CACNA2D1: variants seen among roughly 807,000 people sequenced by gnomAD.
CACNA2D1 encodes calcium voltage-gated channel auxiliary subunit alpha2delta 1, also known as voltage-dependent calcium channel subunit alpha-2/delta-1.
Under a neutral mutation model 171.5 loss-of-function variants are expected in CACNA2D1, and 53 were observed. The observed-to-expected ratio is 0.31, with a 90% CI of 0.25 to 0.39. CACNA2D1 has a LOEUF of 0.39. Among genes scored for constraint, CACNA2D1 ranks in the 10% least tolerant of loss-of-function variants. CACNA2D1 has a pLI of 1.00. For missense variants in CACNA2D1, 903 were observed against 1,299.8 expected, an observed-to-expected ratio of 0.69 and a Z score of 4.69; for synonymous variants, 442 against 443.1, an observed-to-expected ratio of 1.00 and a Z score of 0.03.
At chr7:82,023,629 T>A (rs980100760) in intron 12 of CACNA2D1, among the ~76,000 whole-genome samples, 8 of 151,808 alleles carry the variant, frequency 5.3e-5, no homozygotes, top group Middle Eastern at 3.4e-3. Context: ...ATGTTGTAAT[T>A]TTTCTGTATT....
chr7:82,268,243 A>G (rs1808170152), intron 3 of CACNA2D1, among the ~76,000 whole-genome samples: 2 of 152,214 alleles, frequency 1.3e-5, no homozygotes, highest in Non-Finnish European at 2.9e-5. Context: ...CAGTGCAATA[A>G]TTGCATCAAA....
chr7:82,233,721 A>C (rs918052636), intron 3 of CACNA2D1, among the ~76,000 whole-genome samples: 2 of 152,114 alleles, frequency 1.3e-5, no homozygotes, highest in Non-Finnish European at 2.9e-5. Context: ...TAAAAAGATT[A>C]TGTTTCCCTA....
intron 12 of CACNA2D1, among the ~76,000 whole-genome samples, chr7:82,017,742 T>C (rs1800679483): frequency 6.6e-6 from 1 of 152,136 alleles, no homozygotes; most frequent in South Asian, 2.1e-4. Context: ...AGATGTGTAT[T>C]TGTACAGTTC....
intron 3 of CACNA2D1, among the ~76,000 whole-genome samples, chr7:82,269,496 C>A (rs1418735459): frequency 6.6e-6 from 1 of 152,130 alleles, no homozygotes; most frequent in Admixed American, 6.6e-5. Flanking sequence ...CTAGAATATT[C>A]TCTTTACCTA....
chr7:82,072,638 A>T (rs1808460902), intron 7 of CACNA2D1, among the ~76,000 whole-genome samples: 1 of 151,618 alleles, frequency 6.6e-6, no homozygotes, highest in South Asian at 2.1e-4. Context: ...ATTCCAGGTG[A>T]GTAAATATTA....
At chr7:82,177,558 G>A (rs1194193176) in intron 3 of CACNA2D1, among the ~76,000 whole-genome samples, 1 of 151,982 alleles carries the variant, frequency 6.6e-6, no homozygotes, top group Non-Finnish European at 1.5e-5. Context: ...ATAATATCTG[G>A]AGGAGGACAA....
chr7:82,175,612 G>A (rs777177716), intron 3 of CACNA2D1, among the ~76,000 whole-genome samples: 6 of 151,938 alleles, frequency 3.9e-5, no homozygotes, highest in South Asian at 4.1e-4. Context: ...TTCAATGTTC[G>A]AAAGAAAAGC....
chr7:82,137,500 CAT>C (rs1048813113), intron 4 of CACNA2D1, among the ~76,000 whole-genome samples: 6 of 152,046 alleles, frequency 3.9e-5, no homozygotes, highest in East Asian at 1.9e-4. Context: ...TCATCTTCCA[CAT>C]GTCTTCAAGT....
At chr7:82,218,472 T>C (rs1801410445) in intron 3 of CACNA2D1, among the ~76,000 whole-genome samples, 7 of 152,224 alleles carry the variant, frequency 4.6e-5, no homozygotes, top group Admixed American at 4.6e-4. Context: ...GCAGACTTTA[T>C]TCCAGATTGT....
intron 4 of CACNA2D1, among the ~76,000 whole-genome samples, chr7:82,158,239 A>G (rs1478787162): frequency 6.6e-6 from 1 of 151,944 alleles, no homozygotes; most frequent in African/African-American, 2.4e-5. Flanking sequence ...CAAGAATACA[A>G]TTTATCAAAA....
intron 3 of CACNA2D1, among the ~76,000 whole-genome samples, chr7:82,271,889 C>A: frequency 6.6e-6 from 1 of 150,852 alleles, no homozygotes; most frequent in Middle Eastern, 3.2e-3. Context: ...ACCAGGAAAG[C>A]AGCTAATTAC....
At chr7:81,985,332 G>A (rs147886690) in intron 21 of CACNA2D1, among the ~76,000 whole-genome samples, 1 of 150,896 alleles carries the variant, frequency 6.6e-6, no homozygotes, top group South Asian at 2.1e-4. Context: ...CCCCGAAGTA[G>A]CTGGGACCAT....
intron 7 of CACNA2D1, among the ~76,000 whole-genome samples, chr7:82,072,817 G>A (rs796835942): frequency 2.0e-4 from 30 of 152,006 alleles, no homozygotes; most frequent in African/African-American, 7.0e-4. Flanking sequence ...GACTAATAAT[G>A]CCACTTACTA....
intron 14 of CACNA2D1, among the ~76,000 whole-genome samples, chr7:82,012,828 T>C (rs902564148): frequency 2.0e-5 from 3 of 152,164 alleles, no homozygotes; most frequent in African/African-American, 7.2e-5. Context: ...ACTTCGTTTA[T>C]TTTGTAGATC....
intron 25 of CACNA2D1, 123 bp from the exon 26 acceptor site, chr7:81,971,987 T>C (rs1584239893): frequency 4.5e-6 from 3 of 669,012 alleles, no homozygotes; most frequent in Non-Finnish European, 8.1e-6. Context: ...TAAAATATAT[T>C]CCACATTCAT....
intron 1 of CACNA2D1, among the ~76,000 whole-genome samples, chr7:82,418,139 C>T (rs1418256228): frequency 1.3e-5 from 2 of 152,186 alleles, no homozygotes; most frequent in Non-Finnish European, 2.9e-5. Context: ...CATCCTTCTT[C>T]ACATGGCAGC....
chr7:82,187,750 A>C (rs1254475989), intron 3 of CACNA2D1, among the ~76,000 whole-genome samples: 1 of 149,508 alleles, frequency 6.7e-6, no homozygotes, highest in Admixed American at 6.6e-5. Flanking sequence ...TTGATAATTG[A>C]GAGCTAAATT....
intron 2 of CACNA2D1, among the ~76,000 whole-genome samples, chr7:82,348,834 A>G (rs1819545011): frequency 1.3e-5 from 2 of 152,202 alleles, no homozygotes; most frequent in Non-Finnish European, 2.9e-5. Context: ...AATATTTTCA[A>G]ATGTATTATT....
intron 3 of CACNA2D1, among the ~76,000 whole-genome samples, chr7:82,186,809 G>A (rs1159837600): frequency 6.6e-6 from 1 of 152,044 alleles, no homozygotes; most frequent in African/African-American, 2.4e-5. Context: ...CAAGAAAAAG[G>A]CACTGTGGAT....
Sources: allele counts gnomAD v4.1 joint callset (sites outside exome capture counted in the v4.1 genomes callset), GRCh38; gene constraint gnomAD v4.1.1; transcripts MANE v1.5; gene names NCBI Gene and HGNC (gene_info 2026-07-23, HGNC 2026-07-21).